TRRAP: variants seen among roughly 807,000 people sequenced by gnomAD.
The protein encoded by TRRAP is transformation/transcription domain-associated protein.
Under a neutral mutation model 438.8 loss-of-function variants are expected in TRRAP, and 41 were observed. The ratio of observed to expected loss-of-function variants is 0.09; its 90% CI spans 0.07 to 0.12. The LOEUF (loss-of-function observed/expected upper bound fraction) is 0.12, where lower values mean the gene tolerates loss of function less well. Among genes scored for constraint, TRRAP ranks in the 10% least tolerant of loss-of-function variants. TRRAP has a pLI of 1.00. For synonymous variants in TRRAP, 1,994 were observed against 1,962.9 expected (o/e 1.02, Z -0.42); for missense variants, 3,122 against 5,055.1 (o/e 0.62, Z 11.60).
intron 29 of TRRAP, 33 bp downstream of exon 29, chr7:98,937,310 G>C (rs782395606): frequency 1.3e-6 from 2 of 1,597,778 alleles, no homozygotes; most frequent in Admixed American, 3.6e-5. Context: ...ATGCGCACGC[G>C]TGTGTGCACA....
chr7:98,921,872 C>T lies in TRRAP; in HGVS notation c.2742C>T (p.Tyr914=), dbSNP rs782231932. 2.6e-5 allele frequency: 42 copies of T among 1,614,112 alleles called. No individual in the cohort carries two copies. Among genetic ancestry groups the T allele is most frequent in the South Asian group, 1.8e-4 (16 of 91,090 alleles). ...TGAAGGAGTCGCAGAAGCTGCACTA[C>T]GTTGTGACCGAGGTTCAGGGCCCCA... is the stretch of plus-strand genomic sequence containing the variant. The part of the protein sequence containing the change: ...KMLKESQKLH[Y]VVTEVQGPSI... Residue 914 remains tyrosine, a synonymous_variant, in exon 21 of 73, where the codon TAC becomes TAT. Coordinates refer to ENST00000456197, the MANE Select transcript of TRRAP (RefSeq NM_001375524.1).
At position 98,927,956 on chromosome 7, in the gene TRRAP, T is replaced by C. The variant is rs148102639; in HGVS notation, c.3175+590T>C. Among the ~76,000 whole-genome samples, 34 of 152,234 alleles carry C rather than the reference T, an allele frequency of 2.2e-4. No homozygotes were observed. In the East Asian group the frequency reaches 6.4e-3, roughly 29 times the overall value. The stretch of plus-strand genomic sequence containing the variant: ...ATGTCTTTGTAAAAGACAATAAAAA[T>C]GGCCAGGCACGGTGGCTCACGCCTA... On this transcript the variant is annotated intron_variant, in intron 23 of 72. Transcript: ENST00000456197.
At chr7:99,002,122 C>CG (rs1003090262) in intron 67 of TRRAP, among the ~76,000 whole-genome samples, 6 of 5,174 alleles carry the variant, frequency 1.2e-3, no homozygotes, top group African/African-American at 2.9e-3. Flanking sequence ...AGGGGAGAGG[C>CG]GGGGGGGTGG....
intron 67 of TRRAP, among the ~76,000 whole-genome samples, chr7:99,001,171 G>C (rs187059734): frequency 2.0e-5 from 3 of 152,216 alleles, no homozygotes; most frequent in Non-Finnish European, 4.4e-5. Context: ...GAAGTGTGGC[G>C]TGTGCCCTGC....
chr7:98,882,777 G>GCATTCTCCTGCCT (rs1795514027), intron 3 of TRRAP, among the ~76,000 whole-genome samples: 1 of 152,156 alleles, frequency 6.6e-6, no homozygotes, highest in African/African-American at 2.4e-5. Flanking sequence ...TTCTCCTGCC[G>GCATTCTCCTGCCT]TAGCCTCCCA....
intron 18 of TRRAP, among the ~76,000 whole-genome samples, chr7:98,914,520 A>G (rs1789428370): frequency 6.6e-6 from 1 of 152,232 alleles, no homozygotes; most frequent in African/African-American, 2.4e-5. Context: ...AACAACAGCA[A>G]AAAAGCCCAG....
intron 67 of TRRAP, among the ~76,000 whole-genome samples, chr7:98,996,947 CTG>C (rs773266945): frequency 1.7e-4 from 26 of 151,980 alleles, no homozygotes; most frequent in Non-Finnish European, 3.2e-4. Flanking sequence ...TTTGCTGACT[CTG>C]TGGACACACA....
chr7:98,978,932 G>A (rs373562907), intron 58 of TRRAP, 28 bp downstream of exon 58: 120 of 1,611,478 alleles, frequency 7.4e-5, no homozygotes, highest in South Asian at 6.4e-4. Context: ...CATCCCTGCC[G>A]CTGCCTGGGT....
intron 60 of TRRAP, among the ~76,000 whole-genome samples, chr7:98,983,823 T>C (rs1793041160): frequency 6.6e-6 from 1 of 152,134 alleles, no homozygotes; most frequent in Non-Finnish European, 1.5e-5. Context: ...GTCCCCCTCT[T>C]ATCCCCTAAA....
intron 20 of TRRAP, among the ~76,000 whole-genome samples, chr7:98,920,556 G>A (rs1554410324): frequency 6.6e-6 from 1 of 152,124 alleles, no homozygotes; most frequent in East Asian, 1.9e-4. Flanking sequence ...CAAAAAATGG[G>A]GGGAAATTTA....
chr7:98,945,934 C>G lies in TRRAP; in HGVS notation c.4532C>G (p.Ala1511Gly). Residue 1511 changes from alanine (A) to glycine (G), a missense_variant, in exon 33 of 73, where the codon GCC (alanine) becomes GGC (glycine). Transcript: ENST00000456197. ...PLSPFCQFEP[A>G]MEGVEEMKIC... ...GTAATTTTTGTTTTGGTTCAGCCTG[C>G]CATGGAAGGGGTAGAGGTGAGAACT... 1 of 1,492,768 alleles carries G rather than the reference C, an allele frequency of 6.7e-7. No individual in the cohort carries two copies. Among genetic ancestry groups the G allele is most frequent in the Non-Finnish European group, 8.9e-7 (1 of 1,120,632 alleles). 92.5% of individuals were successfully genotyped at this position (1,492,768 alleles called of 1,614,324 possible). A position where few individuals can be genotyped will look rare whatever the true frequency, so the allele number is the denominator to read the frequency against.
At chr7:98,899,542 A>T in intron 9 of TRRAP, 43 bp downstream of exon 9, 1 of 1,610,654 alleles carries the variant, frequency 6.2e-7, no homozygotes, top group African/African-American at 1.3e-5. Context: ...TGGGCTTCTT[A>T]TAAGAAAATT....
intron 53 of TRRAP, among the ~76,000 whole-genome samples, chr7:98,975,215 T>C (rs1792601860): frequency 6.6e-6 from 1 of 152,228 alleles, no homozygotes; most frequent in Non-Finnish European, 1.5e-5. Context: ...CCATTTTCCT[T>C]GAAAGATTTG....
In TRRAP at chr7:98,899,519, G is replaced by A; in HGVS notation, c.711+20G>A. 6.2e-7 allele frequency: 1 copy of A among 1,613,672 alleles called. No homozygotes were observed. Among genetic ancestry groups the A allele is most frequent in the South Asian group, 1.1e-5 (1 of 91,056 alleles). On this transcript the variant is annotated intron_variant, in intron 9 of 72. Transcript: ENST00000456197. ...TATCAGGTATGTGTATTGCTCATTA[G>A]TCTCTTGGGTTTTGGGCTTCTTATA...
chr7:98,969,746 T>TG (rs1167870561), intron 51 of TRRAP, among the ~76,000 whole-genome samples: 3 of 4,762 alleles, frequency 6.3e-4, no homozygotes, highest in Non-Finnish European at 1.1e-3. Context: ...AAGCTATGGG[T>TG]GGGTGGGCCG....
rs905130965 is a variant in TRRAP at position 98,978,692 on chromosome 7, A to C, written c.8499-77A>C. ...CTGTAGAATGGAAATTTGCTCCTTA[A>C]AACCCTGTCCCTGCCTTTGTGAATT... On this transcript the variant is annotated intron_variant, in intron 57 of 72. Transcript: ENST00000456197. 1.9e-6 allele frequency: 3 copies of C among 1,595,344 alleles called. No individual in the cohort carries two copies. The Admixed American group carries it at 5.0e-5, about 27-fold the overall frequency.
At chr7:98,935,790 C>A in intron 28 of TRRAP, 115 bp downstream of exon 28, 2 of 714,202 alleles carry the variant, frequency 2.8e-6, no homozygotes, top group Non-Finnish European at 4.3e-6. Context: ...TTTTTGTAGT[C>A]TTTTTAAGAT....
Position 98,976,871 on chromosome 7 carries a change from A to G in TRRAP, c.8248-68A>G, listed in dbSNP as rs1219746261. 2 of 1,605,620 alleles carry G rather than the reference A, an allele frequency of 1.2e-6. No individual in the cohort carries two copies. The highest frequency in any genetic ancestry group is 2.2e-5 in the South Asian group (2 of 90,610). On this transcript the variant is annotated intron_variant, in intron 55 of 72. Coordinates refer to ENST00000456197, the MANE Select transcript of TRRAP (RefSeq NM_001375524.1). This position sits in a 1 kb window ranked among gnomAD's most constrained non-coding sequence, Gnocchi z 4.6. ...AATGATTTCAAATGACAGCACAGTG[A>G]AACTATTTTTAGGGGGGAAAAAAAG...
chr7:98,894,207 G>A (rs1796093940), intron 6 of TRRAP, among the ~76,000 whole-genome samples: 1 of 152,188 alleles, frequency 6.6e-6, no homozygotes, highest in Admixed American at 6.5e-5. Flanking sequence ...CCAGAGCCGG[G>A]TTTGAATCTC....
Sources: allele counts gnomAD v4.1 joint callset (sites outside exome capture counted in the v4.1 genomes callset), GRCh38; gene constraint gnomAD v4.1.1; non-coding constraint Gnocchi (gnomAD v3.1); transcripts MANE v1.5; gene names NCBI Gene and HGNC (gene_info 2026-07-23, HGNC 2026-07-21).